Variants in ABI3BP observed in about 807,000 individuals in gnomAD.
The protein encoded by ABI3BP is target of Nesh-SH3.
A neutral mutation model predicts 268.6 loss-of-function variants in ABI3BP; 216 were observed. The ratio of observed to expected loss-of-function variants is 0.80; its 90% confidence interval spans 0.72 to 0.90. The LOEUF is 0.90. ABI3BP is among the 40% of genes least tolerant of loss of function. The pLI is 0.00. For synonymous variants in ABI3BP, 730 were observed against 730.0 expected, an observed-to-expected ratio of 1.00 and a Z score of 0.00; for missense variants, 2,090 against 2,182.4, an observed-to-expected ratio of 0.96 and a Z score of 0.84.
intron 2 of ABI3BP, among the ~76,000 whole-genome samples, chr3:100,924,303 C>A (rs2061167906): frequency 6.6e-6 from 1 of 152,004 alleles, no homozygotes; most frequent in South Asian, 2.1e-4. Flanking sequence ...TCACACAAAC[C>A]AACCCTGAAA....
At chr3:100,812,394 G>A (rs2097883580) in intron 46 of ABI3BP, 73 bp downstream of exon 46, 1 of 1,008,922 alleles carries the variant, frequency 9.9e-7, no homozygotes, top group Non-Finnish European at 1.3e-6. Flanking sequence ...AAAGCATGAG[G>A]ACATCCAGAG....
intron 9 of ABI3BP, among the ~76,000 whole-genome samples, chr3:100,872,677 T>C (rs2099121150): frequency 6.6e-6 from 1 of 152,094 alleles, no homozygotes; most frequent in African/African-American, 2.4e-5. Context: ...AATGTAAGAG[T>C]CCAGAGCTTT....
At chr3:100,840,467 C>T (rs1055303204) in intron 22 of ABI3BP, among the ~76,000 whole-genome samples, 4 of 152,040 alleles carry the variant, frequency 2.6e-5, no homozygotes, top group Non-Finnish European at 4.4e-5. Context: ...ATATGTTCAA[C>T]AGGAACATGA....
chr3:100,768,818 C>T (rs2096433614), intron 62 of ABI3BP, among the ~76,000 whole-genome samples: 1 of 152,202 alleles, frequency 6.6e-6, no homozygotes, highest in Non-Finnish European at 1.5e-5. Flanking sequence ...TGCTCTTGGA[C>T]TATCAGATTA....
chr3:100,885,615 T>A (rs1479188248), intron 5 of ABI3BP, 27 bp from the exon 6 acceptor site: 1 of 1,412,772 alleles, frequency 7.1e-7, no homozygotes, highest in Non-Finnish European at 9.7e-7. Context: ...AAAATAACAT[T>A]ATTTTTATTC....
At chr3:100,852,086 C>T (rs1420119862) in intron 14 of ABI3BP, 146 bp from the exon 15 acceptor site, 3 of 674,466 alleles carry the variant, frequency 4.4e-6, no homozygotes, top group East Asian at 2.8e-5. Flanking sequence ...AGGCTGCCAG[C>T]CTTGTCACTA....
chr3:100,778,655 C>A, intron 58 of ABI3BP: 1 of 321,814 alleles, frequency 3.1e-6, no homozygotes, highest in East Asian at 5.2e-5. Context: ...TGTGGGTTCC[C>A]CATCAGTTAA....
chr3:100,875,599 C>T lies in ABI3BP; in HGVS notation c.746-20G>A. ...GAATCACTGTTGAAATACAAAAAGA[C>T]AGTGTGAGGGGGTGGGAAATAGGAG... On this transcript the variant is annotated intron_variant, in intron 7 of 67. Transcript: ENST00000471714. The T allele has an allele frequency of 6.3e-7, 1 of 1,580,948 alleles. No homozygotes were observed. Among genetic ancestry groups the T allele is most frequent in the South Asian group, 1.1e-5 (1 of 90,362 alleles).
chr3:100,786,364 T>A (rs2097045957), intron 57 of ABI3BP, among the ~76,000 whole-genome samples: 1 of 152,176 alleles, frequency 6.6e-6, no homozygotes, highest in South Asian at 2.1e-4. Flanking sequence ...AAGTTGACTT[T>A]ATGTATATAA....
chr3:100,913,324 C>T (rs952866106), intron 2 of ABI3BP, among the ~76,000 whole-genome samples: 1 of 152,164 alleles, frequency 6.6e-6, no homozygotes, highest in African/African-American at 2.4e-5. Flanking sequence ...CATCACTCCA[C>T]AGGACAGAAT....
At chr3:100,904,358 T>C (rs2052141852) in intron 2 of ABI3BP, among the ~76,000 whole-genome samples, 1 of 152,104 alleles carries the variant, frequency 6.6e-6, no homozygotes, top group South Asian at 2.1e-4. Context: ...GCAAGGGAAG[T>C]CTGATGGGAC....
At position 100,803,089 on chromosome 3, in the gene ABI3BP, C is replaced by A. The variant is rs538442936; in HGVS notation, c.3757+1703G>T. 5.0e-4 allele frequency among the ~76,000 whole-genome samples: 73 copies of A among 146,118 alleles called. 3 individuals are homozygous for A. The highest frequency in any genetic ancestry group is 1.6e-3 in the African/African-American group (66 of 41,176). On this transcript the variant is annotated intron_variant, in intron 51 of 67. Coordinates refer to ENST00000471714, the MANE Select transcript of ABI3BP (RefSeq NM_001375547.2). ...CCCTGATCATATGGCAGGGCCAACA[C>A]CAGATTTAGGGACAGAAACTTAACT...
chr3:100,774,520 T>C (rs987160215), intron 61 of ABI3BP, 85 bp downstream of exon 61: 1 of 1,060,786 alleles, frequency 9.4e-7, no homozygotes, highest in Non-Finnish European at 1.3e-6. Flanking sequence ...CTAAGATTTG[T>C]GGTTTTTTAC....
At chr3:100,861,673 T>C (rs542786307) in intron 14 of ABI3BP, among the ~76,000 whole-genome samples, 2 of 149,314 alleles carry the variant, frequency 1.3e-5, no homozygotes, top group Admixed American at 6.7e-5. Flanking sequence ...ATTTTAATGA[T>C]GGAACACAAG....
chr3:100,751,753 T>G, intron 66 of ABI3BP, 79 bp from the exon 67 acceptor site: 1 of 1,381,548 alleles, frequency 7.2e-7, no homozygotes, highest in Non-Finnish European at 9.7e-7. Context: ...TCATTACTGT[T>G]TTTGTACTTT....
intron 1 of ABI3BP, among the ~76,000 whole-genome samples, chr3:100,951,058 C>T (rs2074766419): frequency 6.6e-6 from 1 of 151,924 alleles, no homozygotes; most frequent in Admixed American, 6.6e-5. Context: ...CTATTATTTC[C>T]CACACCAGCA....
intron 1 of ABI3BP, among the ~76,000 whole-genome samples, chr3:100,982,768 G>C (rs1010615938): frequency 1.3e-5 from 2 of 152,088 alleles, no homozygotes; most frequent in African/African-American, 4.8e-5. Flanking sequence ...TGGAGAGGAT[G>C]GGCCTGGAGA....
At chr3:100,898,688 T>C (rs41273553) in intron 4 of ABI3BP, 74 bp downstream of exon 4, 204,059 of 1,503,194 alleles carry the variant, frequency 0.14, 15,719 homozygotes, top group Non-Finnish European at 0.16. Flanking sequence ...GTTAAGTCAA[T>C]GCTAACAGTC....
At chr3:100,858,567 T>C (rs1424114652) in intron 14 of ABI3BP, among the ~76,000 whole-genome samples, 1 of 152,202 alleles carries the variant, frequency 6.6e-6, no homozygotes, top group Non-Finnish European at 1.5e-5. Context: ...GATTTGCTGA[T>C]ACAGAATATG....
Sources: gnomAD v4.1 joint callset for allele counts (sites outside exome capture counted in the v4.1 genomes callset) on GRCh38, gnomAD v4.1.1 for gene constraint, MANE v1.5 for transcripts, NCBI Gene and HGNC (gene_info 2026-07-23, HGNC 2026-07-21) for gene names.